TRIP4: variants seen among roughly 807,000 people sequenced by gnomAD.
TRIP4 encodes the protein thyroid hormone receptor interactor 4.
In TRIP4, 54 loss-of-function variants were observed where a neutral mutation model predicts 81.8. The observed-to-expected ratio is 0.66, with a 90% CI of 0.53 to 0.83. The LOEUF (loss-of-function observed/expected upper bound fraction) is 0.83. TRIP4 is among the 40% of genes least tolerant of loss of function. TRIP4 has a pLI of 0.00. For missense variants in TRIP4, 662 were observed against 683.6 expected (o/e 0.97, Z 0.35); for synonymous variants, 270 against 242.8 (o/e 1.11, Z -1.04).
At chr15:64,407,299 A>G (rs529187817) in intron 6 of TRIP4, among the ~76,000 whole-genome samples, 1 of 152,200 alleles carries the variant, frequency 6.6e-6, no homozygotes, top group Non-Finnish European at 1.5e-5. Context: ...ACCCATCACA[A>G]GGTGTATAAC....
At chr15:64,392,072 C>G (rs569457779) in intron 1 of TRIP4, among the ~76,000 whole-genome samples, 1 of 150,320 alleles carries the variant, frequency 6.7e-6, no homozygotes, top group African/African-American at 2.4e-5. Context: ...GTCAGGACTT[C>G]GAGACCAGCC....
At chr15:64,389,903 T>C (rs1334478783) in intron 1 of TRIP4, among the ~76,000 whole-genome samples, 4 of 150,672 alleles carry the variant, frequency 2.7e-5, no homozygotes, top group Admixed American at 2.0e-4. Context: ...GGTTTCACCA[T>C]GTTGACCAGG....
intron 6 of TRIP4, 45 bp from the exon 7 acceptor site, chr15:64,409,568 T>C (rs1259210424): frequency 6.4e-7 from 1 of 1,572,210 alleles, no homozygotes; most frequent in South Asian, 1.1e-5. Context: ...TCGGTCCTTA[T>C]TTGTCAACAG....
intron 9 of TRIP4, among the ~76,000 whole-genome samples, chr15:64,422,088 A>T (rs980410957): frequency 6.6e-6 from 1 of 152,044 alleles, no homozygotes; most frequent in African/African-American, 2.4e-5. Flanking sequence ...AGGTTATACT[A>T]TCTAGGTTTG....
intron 7 of TRIP4, 104 bp downstream of exon 7, chr15:64,409,932 G>C: frequency 1.9e-6 from 2 of 1,027,538 alleles, no homozygotes; most frequent in Non-Finnish European, 2.8e-6. Flanking sequence ...TAAAAAATGT[G>C]TTTATTTGGA....
rs769810210 is a variant in TRIP4, at chr15:64,393,974, G to C, written c.130G>C (p.Glu44Gln). 5.6e-6 allele frequency: 9 copies of C among 1,604,438 alleles called. No individual in the cohort carries two copies. In the Admixed American group the frequency reaches 1.5e-4, roughly 28 times the overall value. Residue 44 changes from glutamate to glutamine, a missense_variant, in exon 2 of 13, where the codon GAG becomes CAG. Glu to Gln is a conservative substitution (Grantham distance 29). Transcript: ENST00000261884. ...QYVLSIESAE[E>Q]IREYVTDLLQ... ...CGTTTTGTCAATTGAGAGTGCTGAA[G>C]AGATACGAGAATATGTTACTGATCT...
At chr15:64,445,703 CTG>C (rs1030488951) in intron 12 of TRIP4, among the ~76,000 whole-genome samples, 5 of 147,180 alleles carry the variant, frequency 3.4e-5, no homozygotes, top group African/African-American at 9.9e-5. Flanking sequence ...TTATTGTGTT[CTG>C]TGTGTCCCTA....
intron 2 of TRIP4, among the ~76,000 whole-genome samples, chr15:64,394,840 A>G (rs1326545226): frequency 6.6e-6 from 1 of 152,148 alleles, no homozygotes; most frequent in Non-Finnish European, 1.5e-5. Flanking sequence ...GCAATCTACA[A>G]TATCAGAATT....
Position 64,394,069 on chromosome 15 carries a change from T to C in TRIP4, c.225T>C (p.Asp75=). Residue 75 remains aspartate, a synonymous_variant, in exon 2 of 13, where the codon GAT becomes GAC. Coordinates refer to ENST00000261884, the MANE Select transcript of TRIP4 (RefSeq NM_016213.5). ...EELITKWQKN[D]QELISDPLQQ... ...TTATAACCAAATGGCAAAAGAATGA[T>C]CAGGAGTTGATTTCGGATCCTTTGC... is the stretch of plus-strand genomic sequence containing the variant. The C allele has an allele frequency of 6.2e-7, 1 of 1,609,018 alleles. No homozygotes were observed. The highest frequency in any genetic ancestry group is 1.7e-5 in the Admixed American group (1 of 59,244).
At position 64,397,782 on chromosome 15, in the gene TRIP4, A is replaced by G. The variant is rs35103547; in HGVS notation, c.582A>G (p.Gln194=). The G allele has an allele frequency of 7.0e-3, 11,380 of 1,614,262 alleles. 62 individuals are homozygous for G. The highest frequency in any genetic ancestry group is 0.015 in the African/African-American group (1,099 of 75,074). Residue 194 remains glutamine (Q), a synonymous_variant, in exon 4 of 13, where the codon CAA becomes CAG. Coordinates refer to ENST00000261884, the MANE Select transcript of TRIP4 (RefSeq NM_016213.5). ...TCTGTGGGCGCATTGTCTGTGAACAAGAAGGCTCAGGCCCTTGCTTATTCT... is the reference window on the plus strand; with the variant it reads ...TCTGTGGGCGCATTGTCTGTGAACAGGAAGGCTCAGGCCCTTGCTTATTCT... ...CLICGRIVCE[Q]EGSGPCLFCG... is the part of the protein sequence containing the mutation.
intron 6 of TRIP4, 121 bp downstream of exon 6, chr15:64,406,580 GC>G: frequency 8.1e-7 from 1 of 1,233,006 alleles, no homozygotes; most frequent in Non-Finnish European, 1.1e-6. Context: ...CAAAAGAAGA[GC>G]CAGATGCTCT....
chr15:64,447,099 G>A (rs1052196785), intron 12 of TRIP4, among the ~76,000 whole-genome samples: 6 of 151,904 alleles, frequency 3.9e-5, no homozygotes, highest in Admixed American at 6.6e-5. Flanking sequence ...GCGAGACTCC[G>A]TCTCAAAACA....
intron 1 of TRIP4, among the ~76,000 whole-genome samples, chr15:64,390,055 TTAAA>T (rs1024998338): frequency 2.0e-5 from 3 of 146,464 alleles, no homozygotes; most frequent in Non-Finnish European, 4.5e-5. Context: ...ATCAAATATA[TTAAA>T]TATTAAATAT....
intron 11 of TRIP4, among the ~76,000 whole-genome samples, chr15:64,435,290 G>A (rs1227769242): frequency 6.6e-6 from 1 of 150,534 alleles, no homozygotes; most frequent in Admixed American, 6.7e-5. Context: ...GGGAGGCCAT[G>A]GCGGGCAGAT....
chr15:64,414,025 G>A, intron 7 of TRIP4, 60 bp from the exon 8 acceptor site: 6 of 1,577,986 alleles, frequency 3.8e-6, no homozygotes, highest in Non-Finnish European at 4.3e-6. Flanking sequence ...TATGTTGGTG[G>A]TAAGCATTCT....
At chr15:64,432,708 A>G (rs1392039538) in intron 11 of TRIP4, among the ~76,000 whole-genome samples, 1 of 151,842 alleles carries the variant, frequency 6.6e-6, no homozygotes, top group African/African-American at 2.4e-5. Context: ...TCAGGAGATC[A>G]AGACTATCCT....
intron 11 of TRIP4, among the ~76,000 whole-genome samples, chr15:64,438,799 A>C (rs1036092965): frequency 6.6e-6 from 1 of 152,236 alleles, no homozygotes; most frequent in African/African-American, 2.4e-5. Flanking sequence ...ACGATTCCAC[A>C]GGGCACAGGA....
chr15:64,402,721 C>T (rs142212381), intron 5 of TRIP4, among the ~76,000 whole-genome samples: 2,208 of 151,362 alleles, frequency 0.015, 28 homozygotes, highest in Non-Finnish European at 0.022. Context: ...AGATGGGGTT[C>T]TCCCATGTTG....
At chr15:64,403,072 CA>C (rs890714129) in intron 5 of TRIP4, among the ~76,000 whole-genome samples, 5 of 151,626 alleles carry the variant, frequency 3.3e-5, no homozygotes, top group Non-Finnish European at 7.4e-5. Flanking sequence ...CTGTGTTAGC[CA>C]AGATGGTCTC....
Sources: gnomAD v4.1 joint callset for allele counts (sites outside exome capture counted in the v4.1 genomes callset) on GRCh38, gnomAD v4.1.1 for gene constraint, MANE v1.5 for transcripts, NCBI Gene and HGNC (gene_info 2026-07-23, HGNC 2026-07-21) for gene names.